ANO4: variants seen among roughly 807,000 people sequenced by gnomAD.
ANO4 encodes the protein anoctamin-4.
ANO4 carries 69 observed loss-of-function variants against 141.9 expected under a neutral mutation model. That is an observed-to-expected ratio of 0.49 (90% confidence interval 0.40 to 0.59). The LOEUF (loss-of-function observed/expected upper bound fraction) is 0.59, where lower values mean the gene tolerates loss of function less well. Ranked by LOEUF, ANO4 falls within the 20% of genes least tolerant of loss-of-function variation. The pLI is 0.00. For synonymous variants in ANO4, 350 were observed against 394.3 expected (o/e 0.89, Z 1.33); for missense variants, 894 against 1,162.2 (o/e 0.77, Z 3.36).
At chr12:101,074,133 T>C (rs1387258179) in intron 14 of ANO4, among the ~76,000 whole-genome samples, 3 of 152,196 alleles carry the variant, frequency 2.0e-5, no homozygotes, top group Non-Finnish European at 4.4e-5. Context: ...TAAGGTAAAA[T>C]GCCTATGTTC....
chr12:100,975,424 TTTC>T (rs2044127477), intron 7 of ANO4, among the ~76,000 whole-genome samples: 2 of 142,624 alleles, frequency 1.4e-5, no homozygotes. Flanking sequence ...TCTTTCTTTC[TTTC>T]TTTTTTTTTT....
At chr12:100,975,423 C>T in intron 7 of ANO4, among the ~76,000 whole-genome samples, 1 of 141,858 alleles carries the variant, frequency 7.0e-6, no homozygotes. Flanking sequence ...TTCTTTCTTT[C>T]TTTCTTTTTT....
In ANO4 at chr12:100,992,760, T is replaced by C. The variant is rs533395335; in HGVS notation, c.734+5090T>C. Among the ~76,000 whole-genome samples the C allele has an allele frequency of 3.0e-4, 46 of 152,330 alleles. 1 individual carries two copies. In the South Asian group the frequency reaches 9.5e-3, roughly 32 times the overall value. ...CCAATACCTAACACAATACCTAGCA[T>C]AAAATTGGCACACAATGCTGGTCTT... is the stretch of plus-strand genomic sequence containing the variant. On this transcript the variant is annotated intron_variant, in intron 8 of 27. Transcript: ENST00000392977.
intron 1 of ANO4, among the ~76,000 whole-genome samples, chr12:100,732,989 C>G (rs1302635938): frequency 6.6e-6 from 1 of 152,130 alleles, no homozygotes; most frequent in Non-Finnish European, 1.5e-5. Flanking sequence ...ATTGCATCTG[C>G]CCCTCTCTGT....
At chr12:100,799,873 G>T (rs780040699) in intron 1 of ANO4, among the ~76,000 whole-genome samples, 2 of 152,170 alleles carry the variant, frequency 1.3e-5, no homozygotes, top group Non-Finnish European at 2.9e-5. Flanking sequence ...AGTGTAAGGT[G>T]CATTCATTTA....
chr12:100,764,961 G>A (rs1400554614), intron 3 of ANO4, among the ~76,000 whole-genome samples: 2 of 152,114 alleles, frequency 1.3e-5, no homozygotes, highest in African/African-American at 4.8e-5. Context: ...TGGTATTAGG[G>A]TAATGCTGGC....
chr12:100,946,907 CT>C (rs2136192021), intron 5 of ANO4, among the ~76,000 whole-genome samples: 1 of 152,280 alleles, frequency 6.6e-6, no homozygotes, highest in South Asian at 2.1e-4. Context: ...GAGGAATCAA[CT>C]GTGTCAAATG....
At chr12:101,127,220 T>TTTTAC in intron 27 of ANO4, 146 bp downstream of exon 27, 1 of 924,760 alleles carries the variant, frequency 1.1e-6, no homozygotes, top group South Asian at 1.9e-5. Context: ...GAAGCTTGTT[T>TTTTAC]TTTACTTTAA....
intron 18 of ANO4, among the ~76,000 whole-genome samples, chr12:101,094,886 C>T (rs1035407796): frequency 2.6e-5 from 4 of 152,154 alleles, no homozygotes; most frequent in African/African-American, 9.7e-5. Flanking sequence ...ACTCCAGAGG[C>T]TGAGGCAGGA....
intron 1 of ANO4, among the ~76,000 whole-genome samples, chr12:100,814,006 A>G (rs552157357): frequency 5.8e-4 from 89 of 152,296 alleles, no homozygotes; most frequent in Admixed American, 1.2e-3. Context: ...TAGCTCTTGC[A>G]TCGACCTCAA....
chr12:101,003,220 A>T (rs2045726882), intron 8 of ANO4, among the ~76,000 whole-genome samples: 1 of 152,254 alleles, frequency 6.6e-6, no homozygotes, highest in Non-Finnish European at 1.5e-5. Context: ...TATAGCTCAC[A>T]TAACATGTTA....
chr12:100,931,525 T>C (rs921046405), intron 3 of ANO4, among the ~76,000 whole-genome samples: 4 of 152,186 alleles, frequency 2.6e-5, no homozygotes, highest in African/African-American at 9.6e-5. Flanking sequence ...ACTAGCTGCA[T>C]GGCCACACTT....
intron 1 of ANO4, among the ~76,000 whole-genome samples, chr12:100,878,808 C>A (rs745332828): frequency 1.1e-4 from 17 of 152,110 alleles, no homozygotes; most frequent in Non-Finnish European, 2.2e-4. Flanking sequence ...GAAGAGAATT[C>A]TTTAAACATG....
At position 101,020,748 on chromosome 12, in the gene ANO4, A is replaced by G. The variant is rs558457705; in HGVS notation, c.841+608A>G. Among the ~76,000 whole-genome samples, 31 of 150,544 alleles carry G rather than the reference A, an allele frequency of 2.1e-4. No individual in the cohort carries two copies. The South Asian group carries it at 5.8e-3, about 28-fold the overall frequency. On this transcript the variant is annotated intron_variant, in intron 9 of 27. Transcript: ENST00000392977. ...TCTCCTCCATTAAATAGCCTCTACC[A>G]TATATATTTTAGGCATTTTTATGAG...
Position 100,952,938 on chromosome 12 carries a change from G to A in ANO4, c.456+10403G>A, listed in dbSNP as rs542819659. ...TCAACACGTATTTCATATAACTCACGCATATTACTTCAGTCAAGACAGACC... is the reference window on the plus strand; with the variant it reads ...TCAACACGTATTTCATATAACTCACACATATTACTTCAGTCAAGACAGACC... On this transcript the variant is annotated intron_variant, in intron 5 of 27. Transcript: ENST00000392977. 1.1e-4 allele frequency among the ~76,000 whole-genome samples: 17 copies of A among 152,170 alleles called. No homozygotes were observed. In the East Asian group the frequency reaches 2.1e-3, roughly 19 times the overall value.
chr12:100,916,236 G>T (rs1387975720), intron 2 of ANO4, among the ~76,000 whole-genome samples: 1 of 151,950 alleles, frequency 6.6e-6, no homozygotes, highest in Non-Finnish European at 1.5e-5. Context: ...TAAGCCCTTT[G>T]GTACTTTGAT....
chr12:100,850,993 T>C (rs2037843597), intron 1 of ANO4, among the ~76,000 whole-genome samples: 1 of 152,186 alleles, frequency 6.6e-6, no homozygotes, highest in Admixed American at 6.5e-5. Flanking sequence ...GATATTTGTG[T>C]TTCTATTTTT....
intron 6 of ANO4, among the ~76,000 whole-genome samples, chr12:100,972,295 C>A (rs2043966849): frequency 3.9e-5 from 6 of 152,158 alleles, no homozygotes. Flanking sequence ...GTTGTGGAGA[C>A]AAAGAACATT....
intron 8 of ANO4, among the ~76,000 whole-genome samples, chr12:101,017,905 G>A (rs2046377310): frequency 6.6e-6 from 1 of 152,206 alleles, no homozygotes; most frequent in Non-Finnish European, 1.5e-5. Flanking sequence ...CAGCCTAGAT[G>A]TAAGGAAAAG....
Sources: gnomAD v4.1 joint callset for allele counts (sites outside exome capture counted in the v4.1 genomes callset) on GRCh38, gnomAD v4.1.1 for gene constraint, MANE v1.5 for transcripts, NCBI Gene and HGNC (gene_info 2026-07-23, HGNC 2026-07-21) for gene names.